PTPRJ: variants seen among roughly 807,000 people sequenced by gnomAD.
PTPRJ encodes the protein protein tyrosine phosphatase receptor type J, also known as receptor-type tyrosine-protein phosphatase eta.
PTPRJ carries 129 observed loss-of-function variants against 141.3 expected under a neutral mutation model. The ratio of observed to expected loss-of-function variants is 0.91; its 90% CI spans 0.79 to 1.06. PTPRJ has a LOEUF of 1.06. Ranked by LOEUF, PTPRJ falls within the 50% of genes least tolerant of loss-of-function variation. The pLI is 0.00. For synonymous variants in PTPRJ, 610 were observed against 640.5 expected, an observed-to-expected ratio of 0.95 and a Z score of 0.72; for missense variants, 1,601 against 1,679.7, an observed-to-expected ratio of 0.95 and a Z score of 0.82.
At position 48,124,952 on chromosome 11, in the gene PTPRJ, C is replaced by T. The variant is rs1856800086; in HGVS notation, c.875-16C>T. ...TCTTGTGGTTGATGTCTTTTTGTCT[C>T]CTGTGCTTGAAACAGATGCCAGCAA... On this transcript the variant is annotated splice_polypyrimidine_tract_variant and intron_variant, in intron 5 of 24. Transcript: ENST00000418331. The T allele has an allele frequency of 3.7e-6, 6 of 1,612,174 alleles. No individual in the cohort carries two copies. Among genetic ancestry groups the T allele is most frequent in the Non-Finnish European group, 5.1e-6 (6 of 1,179,058 alleles).
At chr11:48,042,808 G>A (rs943517377) in intron 1 of PTPRJ, among the ~76,000 whole-genome samples, 12 of 151,882 alleles carry the variant, frequency 7.9e-5, no homozygotes, top group African/African-American at 2.9e-4. Context: ...GAGAGAAAGA[G>A]AGTAAGAGAG....
In PTPRJ at chr11:48,123,747, C is replaced by T. The variant is rs1432810307; in HGVS notation, c.751C>T (p.Gln251Ter). 1 of 1,614,104 alleles carries T rather than the reference C, an allele frequency of 6.2e-7. No homozygotes were observed. Among genetic ancestry groups the T allele is most frequent in the Non-Finnish European group, 8.5e-7 (1 of 1,180,022 alleles). Residue 251 changes from glutamine to a stop codon, truncating the protein, a stop_gained, in exon 5 of 25, where the codon CAA becomes TAA. Transcript: ENST00000418331. LOFTEE classifies it high-confidence loss of function. ...CATTGGAAGCCATGAGGAGTTGACT[C>T]AAGACTCAAGACTTCAGGTCAATAT... ...ESIGSHEELTQDSRLQVNISG... is the reference protein window; with the variant it reads ...ESIGSHEELT
intron 1 of PTPRJ, among the ~76,000 whole-genome samples, chr11:48,067,307 G>C (rs907282761): frequency 2.6e-5 from 4 of 152,166 alleles, no homozygotes; most frequent in African/African-American, 9.7e-5. Context: ...GGACAATGGG[G>C]GGAAGGAAAG....
chr11:48,149,888 A>G (rs117568919), intron 16 of PTPRJ, 102 bp from the exon 17 acceptor site: 9,184 of 882,756 alleles, frequency 0.01, 74 homozygotes, highest in Middle Eastern at 0.028. Flanking sequence ...GCCAAATTAT[A>G]CCCTGGGTTT....
Position 48,153,804 on chromosome 11 carries a change from G to A in PTPRJ, c.3147G>A (p.Lys1049=), listed in dbSNP as rs753369759. 7 of 1,610,914 alleles carry A rather than the reference G, an allele frequency of 4.3e-6. No homozygotes were observed. The highest frequency in any genetic ancestry group is 5.9e-6 in the Non-Finnish European group (7 of 1,177,136). Residue 1049 remains lysine, a synonymous_variant, in exon 19 of 25, where the codon AAG becomes AAA. Coordinates refer to ENST00000418331, the MANE Select transcript of PTPRJ (RefSeq NM_002843.4). ...CGFAEEYEDL[K]LVGISQPKYA... ...ATTTGTTTTGTTTTCAGGATCTGAA[G>A]CTTGTTGGAATTAGTCAACCTAAAT...
intron 1 of PTPRJ, among the ~76,000 whole-genome samples, chr11:47,987,635 G>A (rs1854084528): frequency 6.6e-6 from 1 of 152,230 alleles, no homozygotes; most frequent in African/African-American, 2.4e-5. Flanking sequence ...GATAATGAGG[G>A]ACAGCCAGTC....
chr11:48,157,273 A>G (rs1590567504), intron 21 of PTPRJ, among the ~76,000 whole-genome samples: 1 of 152,194 alleles, frequency 6.6e-6, no homozygotes, highest in Non-Finnish European at 1.5e-5. Context: ...GATGTGAGCC[A>G]CCGCCCCTGG....
chr11:48,125,228 A>G (rs754085539), intron 6 of PTPRJ, 42 bp downstream of exon 6: 3 of 1,591,644 alleles, frequency 1.9e-6, no homozygotes, highest in Non-Finnish European at 2.6e-6. Flanking sequence ...AGAGTTTCCT[A>G]GCACAATGTT....
intron 1 of PTPRJ, among the ~76,000 whole-genome samples, chr11:48,054,366 C>G (rs1854699016): frequency 6.6e-6 from 1 of 152,212 alleles, no homozygotes; most frequent in South Asian, 2.1e-4. Flanking sequence ...GCCCTCTGCT[C>G]TCACAGAAAC....
chr11:48,091,334 G>A (rs1424341682), intron 1 of PTPRJ, among the ~76,000 whole-genome samples: 1 of 152,208 alleles, frequency 6.6e-6, no homozygotes, highest in Non-Finnish European at 1.5e-5. Context: ...TAGGGGAAGA[G>A]CTCAGTAGAA....
chr11:48,019,791 G>A (rs1250125311), intron 1 of PTPRJ, among the ~76,000 whole-genome samples: 1 of 152,220 alleles, frequency 6.6e-6, no homozygotes, highest in East Asian at 1.9e-4. Context: ...TCCGTGTTGT[G>A]TACACAGCGA....
rs1169916810 is a variant in PTPRJ at position 48,167,384 on chromosome 11, G to T, written c.*22G>T. 6.2e-7 allele frequency: 1 copy of T among 1,612,100 alleles called. No individual in the cohort carries two copies. The highest frequency in any genetic ancestry group is 2.2e-5 in the East Asian group (1 of 44,848). ...CTAATTCCAAAGGAATAACCTTTCT[G>T]GAGTGAACCAGACCGTCGCACCCAC... On this transcript the variant is annotated 3_prime_UTR_variant, in exon 25 of 25. Transcript: ENST00000418331.
intron 1 of PTPRJ, among the ~76,000 whole-genome samples, chr11:48,008,356 G>A (rs1233892178): frequency 6.6e-6 from 1 of 152,152 alleles, no homozygotes; most frequent in Non-Finnish European, 1.5e-5. Context: ...CGCCTCCTGG[G>A]TTTAAGCAAT....
chr11:48,145,418 C>G (rs1392129602), intron 14 of PTPRJ, among the ~76,000 whole-genome samples: 1 of 152,300 alleles, frequency 6.6e-6, no homozygotes, highest in African/African-American at 2.4e-5. Flanking sequence ...GCCCATATGC[C>G]AGGTGCACAG....
intron 1 of PTPRJ, among the ~76,000 whole-genome samples, chr11:48,020,030 C>A (rs1335368395): frequency 1.3e-5 from 2 of 152,178 alleles, no homozygotes; most frequent in African/African-American, 2.4e-5. Context: ...GGCGTTATTT[C>A]TGAGATCCCT....
At chr11:48,109,784 G>C (rs1261684480) in intron 1 of PTPRJ, among the ~76,000 whole-genome samples, 1 of 152,084 alleles carries the variant, frequency 6.6e-6, no homozygotes, top group Non-Finnish European at 1.5e-5. Context: ...GGCTGGAGGT[G>C]GGGGGATGTG....
chr11:48,030,867 C>T (rs182177846), intron 1 of PTPRJ, among the ~76,000 whole-genome samples: 129 of 152,300 alleles, frequency 8.5e-4, no homozygotes, highest in African/African-American at 3.0e-3. Flanking sequence ...GGTCATAACT[C>T]AGTCAGATGC....
chr11:47,988,325 T>A (rs1218947994), intron 1 of PTPRJ, among the ~76,000 whole-genome samples: 1 of 151,822 alleles, frequency 6.6e-6, no homozygotes, highest in Non-Finnish European at 1.5e-5. Context: ...AGAAGGTTTT[T>A]TTAAAATTTT....
At chr11:48,096,584 A>G (rs1856010297) in intron 1 of PTPRJ, among the ~76,000 whole-genome samples, 3 of 151,556 alleles carry the variant, frequency 2.0e-5, no homozygotes, top group African/African-American at 7.3e-5. Flanking sequence ...AACGTCTTCA[A>G]TTTATTCTGG....
Sources: allele counts gnomAD v4.1 joint callset (sites outside exome capture counted in the v4.1 genomes callset), GRCh38; gene constraint gnomAD v4.1.1; transcripts MANE v1.5; gene names NCBI Gene and HGNC (gene_info 2026-07-23, HGNC 2026-07-21).